NOTCH2: variants seen among roughly 807,000 people sequenced by gnomAD.
NOTCH2 encodes the protein notch receptor 2, also known as neurogenic locus notch homolog protein 2.
A neutral mutation model predicts 235.8 loss-of-function variants in NOTCH2; 29 were observed. The observed-to-expected ratio is 0.12, with a 90% CI of 0.09 to 0.17. NOTCH2 has a LOEUF of 0.17. Among genes scored for constraint, NOTCH2 ranks in the 10% least tolerant of loss-of-function variants. NOTCH2 has a pLI of 1.00. For missense variants in NOTCH2, 2,285 were observed against 3,150.2 expected (o/e 0.73, Z 6.57); for synonymous variants, 1,086 against 1,141.5 (o/e 0.95, Z 0.98).
chr1:119,970,877 T>C (rs1651335170), intron 5 of NOTCH2, among the ~76,000 whole-genome samples: 1 of 152,236 alleles, frequency 6.6e-6, no homozygotes. Context: ...CAAGGTGTCC[T>C]TCATTCTTCC....
At chr1:119,949,159 A>C (rs1650367064) in intron 15 of NOTCH2, 33 bp from the exon 16 acceptor site, 1 of 1,613,906 alleles carries the variant, frequency 6.2e-7, no homozygotes. Context: ...TATGACAGAT[A>C]AACAGGTAAG....
intron 5 of NOTCH2, among the ~76,000 whole-genome samples, chr1:119,979,098 C>G (rs587717117): frequency 1.3e-5 from 2 of 152,222 alleles, no homozygotes; most frequent in South Asian, 2.1e-4. Context: ...GGACATTAGT[C>G]TCTGATCAAA....
At chr1:119,969,346 T>C (rs1187315888) in intron 6 of NOTCH2, among the ~76,000 whole-genome samples, 165 bp downstream of exon 6, 1 of 152,242 alleles carries the variant, frequency 6.6e-6, no homozygotes, top group African/African-American at 2.4e-5. Flanking sequence ...GAAGATTATC[T>C]TCATAGCACT....
chr1:119,924,716 C>T (rs1649411547), intron 25 of NOTCH2, among the ~76,000 whole-genome samples: 1 of 152,178 alleles, frequency 6.6e-6, no homozygotes, highest in African/African-American at 2.4e-5. Flanking sequence ...TTGGCAAGTT[C>T]TTTAACCCTT....
chr1:119,987,141 C>G (rs1652051460), intron 4 of NOTCH2, 59 bp from the exon 5 acceptor site: 6 of 1,602,412 alleles, frequency 3.7e-6, no homozygotes, highest in African/African-American at 2.7e-5. Flanking sequence ...ACGACCTGCT[C>G]TGTTCCCACA....
chr1:119,948,924 G>A lies in NOTCH2; in HGVS notation c.2599+83C>T, dbSNP rs1650359032. 6.5e-6 allele frequency: 10 copies of A among 1,543,580 alleles called. No individual in the cohort carries two copies. In the South Asian group the frequency reaches 1.0e-4, roughly 16 times the overall value. On this transcript the variant is annotated intron_variant, in intron 16 of 33. Coordinates refer to ENST00000256646, the MANE Select transcript of NOTCH2 (RefSeq NM_024408.4). ...GGACAGGCCTCATAAGACCAGCAGG[G>A]CCTTCCATATGATCTGATAACCTGA...
rs1649038960 is a variant in NOTCH2 at position 119,915,657 on chromosome 1, A to G, written c.7065T>C (p.Thr2355=). 2 of 1,613,878 alleles carry G rather than the reference A, an allele frequency of 1.2e-6. No homozygotes were observed. The highest frequency in any genetic ancestry group is 3.3e-5 in the Admixed American group (2 of 60,000). ...GCCCGTCCTGCTGGGGCATCATGGC[A>G]GTGGGGAAAGCCACACTGGGCAAAC... is the stretch of plus-strand genomic sequence containing the variant. ...MARLPSVAFP[T]AMMPQQDGQV... The change falls in exon 34 of 34, where the codon ACT becomes ACC. Residue 2355 remains threonine (T), a synonymous_variant. Transcript: ENST00000256646.
At chr1:120,065,480 C>A (rs1423841807) in intron 1 of NOTCH2, among the ~76,000 whole-genome samples, 2 of 152,166 alleles carry the variant, frequency 1.3e-5, no homozygotes, top group Admixed American at 6.5e-5. Flanking sequence ...CGCATTTGTA[C>A]ACGAGATGGA....
At chr1:120,063,478 G>A (rs1267805395) in intron 1 of NOTCH2, among the ~76,000 whole-genome samples, 1 of 152,126 alleles carries the variant, frequency 6.6e-6, no homozygotes, top group African/African-American at 2.4e-5. Context: ...GAGGAATAAG[G>A]AGGCTTACAA....
chr1:119,978,782 A>G (rs1253318996), intron 5 of NOTCH2, among the ~76,000 whole-genome samples: 1 of 152,174 alleles, frequency 6.6e-6, no homozygotes, highest in African/African-American at 2.4e-5. Flanking sequence ...CCCTCACTGC[A>G]CCAGGAGGAA....
rs1557804894 is a variant in NOTCH2 at position 119,922,277 on chromosome 1, G to C, written c.5172C>G (p.His1724Gln). ...GFTLRRDASN[H>Q]KRREPVGQDA... is the part of the protein sequence containing the mutation. ...CCTGTCCCACTGGCTCACGACGCTT[G>C]TGATTGCTTGCATCTCGGCGAAGAG... is the stretch of plus-strand genomic sequence containing the variant. The change falls in exon 28 of 34, where the codon CAC becomes CAG. Residue 1724 changes from histidine (H) to glutamine (Q), a missense_variant. Physicochemically the swap from His to Gln is conservative, Grantham distance 24. Around this residue, in one of 6 missense-constraint regions of NOTCH2, gnomAD observed 1,173 missense variants for 1,515.3 expected, o/e 0.77. Transcript: ENST00000256646. The C allele has an allele frequency of 6.2e-7, 1 of 1,614,154 alleles. No individual in the cohort carries two copies. Among genetic ancestry groups the C allele is most frequent in the African/African-American group, 1.3e-5 (1 of 75,042 alleles).
At chr1:120,012,148 T>C (rs1327542268) in intron 2 of NOTCH2, among the ~76,000 whole-genome samples, 1 of 124,730 alleles carries the variant, frequency 8.0e-6, no homozygotes, top group African/African-American at 3.2e-5. Context: ...CTCCAGTTCA[T>C]CAAAAACCTC....
intron 5 of NOTCH2, among the ~76,000 whole-genome samples, chr1:119,978,044 T>C (rs1283648045): frequency 2.6e-5 from 4 of 152,220 alleles, no homozygotes; most frequent in South Asian, 4.1e-4. Flanking sequence ...TAGATACCTA[T>C]TGCCTTGGGA....
intron 22 of NOTCH2, 112 bp from the exon 23 acceptor site, chr1:119,929,324 A>G: frequency 1.2e-6 from 1 of 852,652 alleles, no homozygotes; most frequent in African/African-American, 1.7e-5. Context: ...ATACTCCTCA[A>G]CTGGTAGTGG....
At chr1:120,041,040 G>A (rs1654527803) in intron 1 of NOTCH2, among the ~76,000 whole-genome samples, 1 of 21,044 alleles carries the variant, frequency 4.8e-5, no homozygotes, top group Non-Finnish European at 8.3e-5. Flanking sequence ...GACTCTGCCT[G>A]CAAAAAAAAA....
At chr1:119,959,199 T>C (rs1349274598) in intron 12 of NOTCH2, among the ~76,000 whole-genome samples, 193 bp downstream of exon 12, 1 of 152,196 alleles carries the variant, frequency 6.6e-6, no homozygotes, top group Non-Finnish European at 1.5e-5. Context: ...AAAACTCTAA[T>C]TAATGAAAAG....
At chr1:119,934,062 C>T (rs1649760458) in intron 22 of NOTCH2, among the ~76,000 whole-genome samples, 1 of 152,206 alleles carries the variant, frequency 6.6e-6, no homozygotes, top group Admixed American at 6.5e-5. Flanking sequence ...ATTTGAGTGA[C>T]AAAATCAGTG....
At chr1:119,948,666 C>A in intron 16 of NOTCH2, 100 bp from the exon 17 acceptor site, 1 of 1,371,052 alleles carries the variant, frequency 7.3e-7, no homozygotes. Flanking sequence ...GGAGCTATTC[C>A]ACAGACAAAC....
intron 6 of NOTCH2, among the ~76,000 whole-genome samples, chr1:119,969,108 A>C (rs1329812356): frequency 6.6e-6 from 1 of 152,196 alleles, no homozygotes; most frequent in African/African-American, 2.4e-5. Context: ...AGGCACTTAA[A>C]TGTTTCTCTC....
Sources: allele counts gnomAD v4.1 joint callset (sites outside exome capture counted in the v4.1 genomes callset), GRCh38; gene constraint gnomAD v4.1.1; regional missense constraint gnomAD v4.1.1; transcripts MANE v1.5; gene names NCBI Gene and HGNC (gene_info 2026-07-23, HGNC 2026-07-21).